Variants in NME6 observed in about 807,000 individuals in gnomAD.
NME6 encodes NME/NM23 nucleoside diphosphate kinase 6, also known as nucleoside diphosphate kinase 6, mitochondrial.
NME6 carries 16 observed loss-of-function variants against 22.2 expected under a neutral mutation model. The ratio of observed to expected loss-of-function variants is 0.72; its 90% confidence interval spans 0.49 to 1.09. NME6 has a LOEUF of 1.09. NME6 is among the 50% of genes least tolerant of loss of function. The probability of loss-of-function intolerance (pLI) is 0.00; values close to 1 mark genes in which losing one functional copy is unlikely to be tolerated. For synonymous variants in NME6, 58 were observed against 85.2 expected, an observed-to-expected ratio of 0.68 and a Z score of 1.76; for missense variants, 229 against 239.0, an observed-to-expected ratio of 0.96 and a Z score of 0.28.
downstream of NME6, chr3:48,292,056 T>C (rs7651161): frequency 0.56 from 85,187 of 152,180 alleles, 24,953 homozygotes; most frequent in African/African-American, 0.73. Flanking sequence ...TGAGCCACCA[T>C]ACCTGGCCAT....
intron 4 of NME6, chr3:48,295,876 G>A (rs1467813721): frequency 1.7e-5 from 9 of 523,856 alleles, no homozygotes; most frequent in South Asian, 1.5e-4. Context: ...CCACCATGCC[G>A]GGCTAATTTT....
At chr3:48,301,230 G>A in intron 1 of NME6, 123 bp downstream of exon 1, 1 of 1,528,800 alleles carries the variant, frequency 6.5e-7, no homozygotes, top group South Asian at 1.2e-5. Flanking sequence ...TCTCGACCCA[G>A]CCCCCTACTT....
chr3:48,297,719 A>G (rs1178468638), intron 2 of NME6: 1 of 152,536 alleles, frequency 6.6e-6, no homozygotes, highest in Admixed American at 6.5e-5. Context: ...GGCCTAATTA[A>G]TCACATGAGC....
Position 48,293,212 on chromosome 3 carries a change from C to T in NME6, c.*1425G>A, listed in dbSNP as rs1209789948. The T allele has an allele frequency of 2.0e-5, 3 of 152,206 alleles. No homozygotes were observed. Among genetic ancestry groups the T allele is most frequent in the African/African-American group, 4.8e-5 (2 of 41,432 alleles). 9.4% of individuals were successfully genotyped at this position (152,206 alleles called of 1,614,324 possible). A position where few individuals can be genotyped will look rare whatever the true frequency, so the allele number is the denominator to read the frequency against. On this transcript the variant is annotated 3_prime_UTR_variant, in exon 6 of 6. Transcript: ENST00000442597. ...AGGCTCACTTCTCTTGAGTTTCCTTCGTGTCCTGAATTTTGGTTCTATATT... is the reference window on the plus strand; with the variant it reads ...AGGCTCACTTCTCTTGAGTTTCCTTTGTGTCCTGAATTTTGGTTCTATATT...
intron 1 of NME6, 148 bp downstream of exon 1, chr3:48,301,205 G>A (rs567415992): frequency 7.9e-5 from 115 of 1,458,084 alleles, no homozygotes; most frequent in Non-Finnish European, 1.0e-4. Context: ...AGCCCCCCGG[G>A]CTCACGGCCT....
chr3:48,291,006 T>C (rs964930558), downstream of NME6: 25 of 285,700 alleles, frequency 8.8e-5, no homozygotes, highest in East Asian at 2.5e-3. Flanking sequence ...TCGTTCAAAT[T>C]TTGGATCCTT....
chr3:48,296,909 G>A lies in NME6; in HGVS notation c.91-80C>T, dbSNP rs576586565. 1.2e-4 allele frequency: 128 copies of A among 1,062,418 alleles called. 6 individuals carry two copies. In the South Asian group the frequency reaches 1.7e-3, roughly 14 times the overall value. The allele number at this position is 1,062,418 out of a possible 1,614,324, so 65.8% of individuals were successfully genotyped here. On this transcript the variant is annotated intron_variant, in intron 2 of 5. Coordinates refer to ENST00000442597, the MANE Select transcript of NME6 (RefSeq NM_001308426.2). ...AAAGAAACCATGAGGACCACTTGTT[G>A]CTCAGGACCTGAGGGTTTGTCCCAT...
At position 48,293,124 on chromosome 3, in the gene NME6, G is replaced by C. The variant is rs537985093; in HGVS notation, c.*1513C>G. On this transcript the variant is annotated 3_prime_UTR_variant, in exon 6 of 6. Coordinates refer to ENST00000442597, the MANE Select transcript of NME6 (RefSeq NM_001308426.2). ...AAGAAGTTGTTGAAAGTTCTACTCA[G>C]CTTCTTAGCTGCCTCTTCCAGAATC... 5.6e-4 allele frequency: 85 copies of C among 152,326 alleles called. No homozygotes were observed. The highest frequency in any genetic ancestry group is 2.0e-3 in the African/African-American group (82 of 41,572). 9.4% of individuals were successfully genotyped at this position (152,326 alleles called of 1,614,324 possible).
Position 48,294,810 on chromosome 3 carries a change from G to A in NME6, c.395-7C>T. The stretch of plus-strand genomic sequence containing the variant: ...CTGGCTGAAACCACAGAGTCTGTAA[G>A]GGGAGATAAGACAGAGAAGGGGTTC... On this transcript the variant is annotated splice_polypyrimidine_tract_variant and splice_region_variant and intron_variant, in intron 5 of 5. Coordinates refer to ENST00000442597, the MANE Select transcript of NME6 (RefSeq NM_001308426.2). 6.2e-7 allele frequency: 1 copy of A among 1,612,852 alleles called. No individual in the cohort carries two copies. Among genetic ancestry groups the A allele is most frequent in the Non-Finnish European group, 8.5e-7 (1 of 1,179,002 alleles).
At chr3:48,296,246 TAAA>T in intron 3 of NME6, 88 bp from the exon 4 acceptor site, 1 of 1,579,550 alleles carries the variant, frequency 6.3e-7, no homozygotes, top group Non-Finnish European at 8.7e-7. Context: ...CCTAGAATAA[TAAA>T]AATTGTTTCA....
In NME6 at chr3:48,296,791, A is replaced by G. The variant is rs780612991; in HGVS notation, c.129T>C (p.Ile43=). The change falls in exon 3 of 6, where the codon ATT becomes ATC. Residue 43 remains isoleucine, a synonymous_variant. Transcript: ENST00000442597. ...TCCACAGTAGTTCTCTCATTCGTAC[A>G]ATCAGGAACTTGTTGCTTAGAATCT... The part of the protein sequence containing the change: ...HQQILSNKFL[I]VRMRELLWRK... 39 of 1,613,660 alleles carry G rather than the reference A, an allele frequency of 2.4e-5. No individual in the cohort carries two copies. The highest frequency in any genetic ancestry group is 1.0e-4 in the Admixed American group (6 of 59,970).
downstream of NME6, among the ~76,000 whole-genome samples, chr3:48,289,851 C>A (rs2034333242): frequency 6.6e-6 from 1 of 152,060 alleles, no homozygotes; most frequent in Non-Finnish European, 1.5e-5. Context: ...GGTATGCCCA[C>A]ACATGGAATA....
rs2034756712 is a variant in NME6 at position 48,293,851 on chromosome 3, A to G, written c.*786T>C. 6.6e-6 allele frequency: 1 copy of G among 152,248 alleles called. No individual in the cohort carries two copies. The highest frequency in any genetic ancestry group is 2.4e-5 in the African/African-American group (1 of 41,472). The allele number at this position is 152,248 out of a possible 1,614,324, so 9.4% of individuals were successfully genotyped here. A position where few individuals can be genotyped will look rare whatever the true frequency, so the allele number is the denominator to read the frequency against. ...TGATAAAGGAGATGAAGAAAAACAC[A>G]CAGAAGGAGAAAACCAAGGGTGTGG... On this transcript the variant is annotated 3_prime_UTR_variant, in exon 6 of 6. Transcript: ENST00000442597.
At chr3:48,296,900 C>T in intron 2 of NME6, 71 bp from the exon 3 acceptor site, 2 of 1,168,148 alleles carry the variant, frequency 1.7e-6, no homozygotes, top group South Asian at 1.3e-5. Context: ...ACCATGAGGA[C>T]CACTTGTTGC....
At chr3:48,296,312 T>C in intron 3 of NME6, 154 bp from the exon 4 acceptor site, 1 of 1,045,164 alleles carries the variant, frequency 9.6e-7, no homozygotes, top group Non-Finnish European at 1.4e-6. Context: ...GAATCCAGGG[T>C]CTGCCACTTA....
chr3:48,291,574 G>T, downstream of NME6: 1 of 171,484 alleles, frequency 5.8e-6, no homozygotes, highest in Non-Finnish European at 1.2e-5. Context: ...TGTAGACACA[G>T]GGGTCTCACC....
intron 4 of NME6, chr3:48,295,905 C>G: frequency 1.7e-6 from 1 of 577,064 alleles, no homozygotes. Context: ...TTAGTAGAGA[C>G]GGTGTTTCAC....
downstream of NME6, among the ~76,000 whole-genome samples, chr3:48,289,121 A>G (rs1330738457): frequency 2.6e-5 from 4 of 151,838 alleles, no homozygotes; most frequent in African/African-American, 9.7e-5. Flanking sequence ...CTGGAGTGCA[A>G]TGGCGTGATC....
chr3:48,299,112 C>A, intron 1 of NME6: 1 of 608,810 alleles, frequency 1.6e-6, no homozygotes. Context: ...ATACACTCAG[C>A]TGTCCTCAGT....
Sources: allele counts gnomAD v4.1 joint callset (sites outside exome capture counted in the v4.1 genomes callset), GRCh38; gene constraint gnomAD v4.1.1; transcripts MANE v1.5; gene names NCBI Gene and HGNC (gene_info 2026-07-23, HGNC 2026-07-21).